Variants in PEPD observed in about 807,000 individuals in gnomAD.
PEPD encodes peptidase D, also known as xaa-Pro dipeptidase.
PEPD carries 53 observed loss-of-function variants against 60.7 expected under a neutral mutation model. The ratio of observed to expected loss-of-function variants is 0.87; its 90% CI spans 0.70 to 1.10. The LOEUF (loss-of-function observed/expected upper bound fraction) is 1.10. Among genes scored for constraint, PEPD ranks in the 50% least tolerant of loss-of-function variants. The pLI is 0.00. For synonymous variants in PEPD, 267 were observed against 284.1 expected, an observed-to-expected ratio of 0.94 and a Z score of 0.60; for missense variants, 711 against 711.9, an observed-to-expected ratio of 1.00 and a Z score of 0.01.
At chr19:33,457,530 T>A (rs1321946453) in intron 9 of PEPD, among the ~76,000 whole-genome samples, 2 of 152,208 alleles carry the variant, frequency 1.3e-5, no homozygotes, top group African/African-American at 4.8e-5. Flanking sequence ...CTTTTTTATT[T>A]ACTTATTTTG....
At chr19:33,479,017 G>C (rs1439105384) in intron 6 of PEPD, among the ~76,000 whole-genome samples, 1 of 152,072 alleles carries the variant, frequency 6.6e-6, no homozygotes, top group Non-Finnish European at 1.5e-5. Flanking sequence ...GTATTGATAA[G>C]TACAAAATGA....
At chr19:33,496,601 T>C (rs115390146) in intron 4 of PEPD, among the ~76,000 whole-genome samples, 1 of 152,140 alleles carries the variant, frequency 6.6e-6, no homozygotes, top group Non-Finnish European at 1.5e-5. Flanking sequence ...TCCCGATGTA[T>C]CCCCAGCACA....
chr19:33,398,365 G>A (rs958711075), intron 12 of PEPD, among the ~76,000 whole-genome samples: 2 of 152,232 alleles, frequency 1.3e-5, no homozygotes, highest in African/African-American at 4.8e-5. Flanking sequence ...ACTGCCCGTG[G>A]ATGTCTGACA....
chr19:33,414,654 C>T (rs1455101306), intron 9 of PEPD, among the ~76,000 whole-genome samples: 1 of 151,658 alleles, frequency 6.6e-6, no homozygotes, highest in African/African-American at 2.4e-5. Context: ...GCGGTCCTGC[C>T]CTGCACGTTC....
intron 9 of PEPD, among the ~76,000 whole-genome samples, chr19:33,445,783 G>A (rs1024937847): frequency 1.3e-5 from 2 of 152,218 alleles, no homozygotes; most frequent in East Asian, 1.9e-4. Flanking sequence ...ACCAGGGCCT[G>A]CACTGCCCAT....
At chr19:33,397,104 G>A (rs573594526) in intron 12 of PEPD, among the ~76,000 whole-genome samples, 13 of 152,272 alleles carry the variant, frequency 8.5e-5, no homozygotes, top group African/African-American at 2.6e-4. Flanking sequence ...TGCTGGGCCT[G>A]CCCTGCCACC....
chr19:33,405,540 A>G (rs905608080), intron 11 of PEPD, among the ~76,000 whole-genome samples: 1 of 152,188 alleles, frequency 6.6e-6, no homozygotes, highest in Non-Finnish European at 1.5e-5. Flanking sequence ...GCTTCTCCTC[A>G]GTGTGAGACC....
chr19:33,492,152 A>G (rs1970513913), intron 5 of PEPD, among the ~76,000 whole-genome samples: 1 of 151,898 alleles, frequency 6.6e-6, no homozygotes, highest in African/African-American at 2.4e-5. Context: ...AAGAAAGCAC[A>G]CTTCTCTGAG....
intron 2 of PEPD, among the ~76,000 whole-genome samples, chr19:33,512,268 G>T (rs897427525): frequency 2.6e-5 from 4 of 152,200 alleles, no homozygotes; most frequent in African/African-American, 9.7e-5. Flanking sequence ...ATGCTAAGAT[G>T]TGTGAAAGTG....
intron 9 of PEPD, among the ~76,000 whole-genome samples, chr19:33,453,833 T>C (rs1252363253): frequency 6.6e-6 from 1 of 152,196 alleles, no homozygotes; most frequent in African/African-American, 2.4e-5. Context: ...CCCAAGCTGG[T>C]AATCAGCAGA....
intron 1 of PEPD, among the ~76,000 whole-genome samples, chr19:33,516,235 A>G (rs1463239513): frequency 6.6e-5 from 10 of 152,182 alleles, no homozygotes; most frequent in African/African-American, 2.4e-4. Flanking sequence ...AACACAGACG[A>G]ATTCTTCCTG....
At chr19:33,512,285 G>A (rs1970941665) in intron 2 of PEPD, among the ~76,000 whole-genome samples, 1 of 152,176 alleles carries the variant, frequency 6.6e-6, no homozygotes, top group African/African-American at 2.4e-5. Flanking sequence ...AGTGGGCCCA[G>A]CTCAGAGCCT....
chr19:33,516,483 G>A (rs1171038089), intron 1 of PEPD, among the ~76,000 whole-genome samples: 1 of 151,948 alleles, frequency 6.6e-6, no homozygotes, highest in East Asian at 1.9e-4. Context: ...AAACAACCAA[G>A]ACCCAGTAAG....
intron 6 of PEPD, among the ~76,000 whole-genome samples, chr19:33,483,363 C>T (rs964611603): frequency 6.6e-6 from 1 of 152,126 alleles, no homozygotes; most frequent in African/African-American, 2.4e-5. Flanking sequence ...GAAAAGGTGA[C>T]CCCAGGAGAC....
chr19:33,510,366 G>A lies in PEPD; in HGVS notation c.329+662C>T, dbSNP rs1035005379. Among the ~76,000 whole-genome samples, 19 of 151,842 alleles carry A rather than the reference G, an allele frequency of 1.3e-4. No individual in the cohort carries two copies. The East Asian group carries it at 2.7e-3, about 22-fold the overall frequency. ...TCCATATGGAGACAGAGGGAGGGGG[G>A]CTCCAAAGCCAAAAGAGGAGGTCCC... On this transcript the variant is annotated intron_variant, in intron 3 of 14. Coordinates refer to ENST00000244137, the MANE Select transcript of PEPD (RefSeq NM_000285.4).
chr19:33,484,351 A>G (rs1401197897), intron 6 of PEPD, among the ~76,000 whole-genome samples: 1 of 152,148 alleles, frequency 6.6e-6, no homozygotes, highest in East Asian at 1.9e-4. Flanking sequence ...ATTTCATCTT[A>G]CTCAACGTAC....
chr19:33,479,945 G>T (rs1970284671), intron 6 of PEPD, among the ~76,000 whole-genome samples: 1 of 152,190 alleles, frequency 6.6e-6, no homozygotes, highest in African/African-American at 2.4e-5. Context: ...TAACGGGATT[G>T]CTGGGTTGAA....
intron 9 of PEPD, among the ~76,000 whole-genome samples, chr19:33,456,379 C>A (rs1170316361): frequency 6.6e-6 from 1 of 152,170 alleles, no homozygotes; most frequent in African/African-American, 2.4e-5. Context: ...TTAAATCCCC[C>A]TAGGCATGGC....
chr19:33,463,883 C>T, intron 8 of PEPD, 104 bp downstream of exon 8: 2 of 776,174 alleles, frequency 2.6e-6, no homozygotes, highest in Non-Finnish European at 4.5e-6. Context: ...TCACTTGGCC[C>T]TCAGGGATTA....
Sources: allele counts gnomAD v4.1 joint callset (sites outside exome capture counted in the v4.1 genomes callset), GRCh38; gene constraint gnomAD v4.1.1; transcripts MANE v1.5; gene names NCBI Gene and HGNC (gene_info 2026-07-23, HGNC 2026-07-21).